Variants in COL22A1 observed in about 807,000 individuals in gnomAD.
The protein encoded by COL22A1 is collagen type XXII alpha 1 chain.
In COL22A1, 221 loss-of-function variants were observed where a neutral mutation model predicts 248.9. The ratio of observed to expected loss-of-function variants is 0.89; its 90% CI spans 0.80 to 0.99. The LOEUF (loss-of-function observed/expected upper bound fraction) is 0.99, where lower values mean the gene tolerates loss of function less well. Among genes scored for constraint, COL22A1 ranks in the 50% least tolerant of loss-of-function variants. The pLI, the probability that COL22A1 is intolerant of heterozygous loss-of-function variation, is 0.00. For synonymous variants in COL22A1, 891 were observed against 793.4 expected (o/e 1.12, Z -2.07); for missense variants, 2,240 against 2,179.0 (o/e 1.03, Z -0.56).
chr8:138,677,347 A>T (rs1825639675), intron 40 of COL22A1, among the ~76,000 whole-genome samples: 1 of 152,242 alleles, frequency 6.6e-6, no homozygotes, highest in African/African-American at 2.4e-5. Context: ...AGTGCTTGGC[A>T]CAGAGCCCAG....
intron 10 of COL22A1, among the ~76,000 whole-genome samples, chr8:138,804,751 GGTGT>G (rs1461879494): frequency 1.3e-5 from 2 of 150,366 alleles, no homozygotes; most frequent in South Asian, 4.2e-4. Context: ...TGTGATGAGG[GGTGT>G]GTGTGTGATG....
chr8:138,871,973 C>T (rs1463986720), intron 3 of COL22A1, among the ~76,000 whole-genome samples: 1 of 152,190 alleles, frequency 6.6e-6, no homozygotes, highest in Admixed American at 6.5e-5. Context: ...GACTAATCTC[C>T]CTGATCATGG....
chr8:138,715,447 T>C (rs1170623997), intron 30 of COL22A1, among the ~76,000 whole-genome samples: 1 of 151,588 alleles, frequency 6.6e-6, no homozygotes, highest in East Asian at 1.9e-4. Flanking sequence ...GGCATGCCTG[T>C]AATCCCAGCT....
chr8:138,790,907 C>T (rs982205817), intron 12 of COL22A1, among the ~76,000 whole-genome samples: 1 of 152,178 alleles, frequency 6.6e-6, no homozygotes, highest in Non-Finnish European at 1.5e-5. Flanking sequence ...CCAAAGCTCG[C>T]ACCCCCATTT....
At chr8:138,853,975 G>C (rs1000736342) in intron 3 of COL22A1, among the ~76,000 whole-genome samples, 7 of 152,238 alleles carry the variant, frequency 4.6e-5, no homozygotes, top group African/African-American at 1.7e-4. Flanking sequence ...GTGTGGGGTA[G>C]AATGATCCAT....
intron 9 of COL22A1, 114 bp downstream of exon 9, chr8:138,811,685 A>G: frequency 8.1e-7 from 1 of 1,240,274 alleles, no homozygotes; most frequent in East Asian, 2.3e-5. Flanking sequence ...CTGTCAGCTG[A>G]CAGCCATGGG....
Position 138,811,863 on chromosome 8 carries a change from G to A in COL22A1, c.1385C>T (p.Thr462Ile). The A allele has an allele frequency of 6.2e-7, 1 of 1,604,308 alleles. No individual in the cohort carries two copies. Among genetic ancestry groups the A allele is most frequent in the South Asian group, 1.1e-5 (1 of 90,060 alleles). Residue 462 changes from threonine to isoleucine, a missense_variant, in exon 9 of 65, where the codon ACC (threonine) becomes ATC (isoleucine). Physicochemically the swap from Thr to Ile is moderately conservative, Grantham distance 89. Transcript: ENST00000303045. The part of the protein sequence containing the change: ...PPPPPPQRPP[T>I]PGSEQIGFLK... Reference sequence around the variant, plus strand: ...AAACCCAATCTGTTCACTGCCTGGGGTGGGAGGCCGCTGGGGTGGGGGTGG... The same window carrying A: ...AAACCCAATCTGTTCACTGCCTGGGATGGGAGGCCGCTGGGGTGGGGGTGG...
intron 46 of COL22A1, among the ~76,000 whole-genome samples, chr8:138,647,412 A>G (rs546733547): frequency 5.3e-5 from 8 of 152,356 alleles, no homozygotes; most frequent in South Asian, 4.1e-4. Context: ...TAAGTTTTGG[A>G]GCAATCTGTA....
rs754865545 is a variant in COL22A1 at position 138,780,913 on chromosome 8, G to A, written c.1650+14C>T. On this transcript the variant is annotated intron_variant, in intron 13 of 64. Transcript: ENST00000303045. ...TACTGCCTTGTGAGCCAGGGCAGAC[G>A]GAACAGAACTTACTCTCATGCCTTT... is the stretch of plus-strand genomic sequence containing the variant. The A allele has an allele frequency of 3.4e-5, 55 of 1,611,402 alleles. No individual in the cohort carries two copies. The East Asian group carries it at 4.7e-4, about 14-fold the overall frequency.
rs1586659059 is a variant in COL22A1 at position 138,755,104 on chromosome 8, A to G, written c.2031+53T>C. 20 of 1,564,992 alleles carry G rather than the reference A, an allele frequency of 1.3e-5. 1 individual carries two copies. In the South Asian group the frequency reaches 2.0e-4, roughly 16 times the overall value. On this transcript the variant is annotated intron_variant, in intron 21 of 64. Transcript: ENST00000303045. ...GGAATGACTCTGATCTTCCAAACCCATTGGTAAGAGAAGCGTGCAGAGCAA... is the reference window on the plus strand; with the variant it reads ...GGAATGACTCTGATCTTCCAAACCCGTTGGTAAGAGAAGCGTGCAGAGCAA...
intron 3 of COL22A1, 82 bp downstream of exon 3, chr8:138,877,668 T>C: frequency 3.6e-6 from 5 of 1,376,152 alleles, no homozygotes; most frequent in Non-Finnish European, 4.9e-6. Context: ...GTAGGATCCC[T>C]ATCTGCCCGA....
chr8:138,678,037 A>G (rs1825696738), intron 40 of COL22A1, among the ~76,000 whole-genome samples: 1 of 152,260 alleles, frequency 6.6e-6, no homozygotes, highest in African/African-American at 2.4e-5. Context: ...TGTGCATTAC[A>G]AAATATCTCA....
At position 138,588,603 on chromosome 8, in the gene COL22A1, C is replaced by A. The variant is rs1485870347; in HGVS notation, c.*650G>T. ...ACAGACATTATTTCACTTCTGTGAGCTTAGAGCACTGAGGTGGCTGGAGTG... is the reference window on the plus strand; with the variant it reads ...ACAGACATTATTTCACTTCTGTGAGATTAGAGCACTGAGGTGGCTGGAGTG... On this transcript the variant is annotated 3_prime_UTR_variant, in exon 65 of 65. Coordinates refer to ENST00000303045, the MANE Select transcript of COL22A1 (RefSeq NM_152888.3). 6.6e-6 allele frequency: 1 copy of A among 152,222 alleles called. No homozygotes were observed. The highest frequency in any genetic ancestry group is 6.5e-5 in the Admixed American group (1 of 15,284). 9.4% of individuals were successfully genotyped at this position (152,222 alleles called of 1,614,324 possible). A position where few individuals can be genotyped will look rare whatever the true frequency, so the allele number is the denominator to read the frequency against.
intron 44 of COL22A1, among the ~76,000 whole-genome samples, chr8:138,659,386 C>T (rs1823588563): frequency 6.6e-6 from 1 of 152,178 alleles, no homozygotes; most frequent in African/African-American, 2.4e-5. Context: ...GAATTTGTAG[C>T]AGGTCAGGCT....
At chr8:138,864,858 T>C (rs538230002) in intron 3 of COL22A1, among the ~76,000 whole-genome samples, 45 of 152,260 alleles carry the variant, frequency 3.0e-4, no homozygotes, top group African/African-American at 1.1e-3. Context: ...ATTCCCCAGA[T>C]TTGGGGGTCC....
At chr8:138,726,498 C>CAAAAAAAAAAAAAAAAA (rs371982028) in intron 23 of COL22A1, among the ~76,000 whole-genome samples, 42 of 95,558 alleles carry the variant, frequency 4.4e-4, no homozygotes, top group Middle Eastern at 5.8e-3. Flanking sequence ...CCTGTATCTA[C>CAAAAAAAAAAAAAAAAA]AAAAAAAAAA....
chr8:138,678,110 G>C (rs1825703635), intron 40 of COL22A1, among the ~76,000 whole-genome samples: 1 of 152,146 alleles, frequency 6.6e-6, no homozygotes, highest in African/African-American at 2.4e-5. Flanking sequence ...GAGTACATAA[G>C]CTATGTATTC....
intron 16 of COL22A1, among the ~76,000 whole-genome samples, chr8:138,764,122 T>C (rs1405476025): frequency 6.6e-6 from 1 of 152,236 alleles, no homozygotes; most frequent in African/African-American, 2.4e-5. Context: ...ATGTTGTTTT[T>C]CTTCCAGGGG....
At chr8:138,848,563 G>C (rs1821413947) in intron 3 of COL22A1, among the ~76,000 whole-genome samples, 1 of 152,126 alleles carries the variant, frequency 6.6e-6, no homozygotes, top group South Asian at 2.1e-4. Context: ...ACGCAACCAT[G>C]GTTCTGTCTG....
Sources: allele counts gnomAD v4.1 joint callset (sites outside exome capture counted in the v4.1 genomes callset), GRCh38; gene constraint gnomAD v4.1.1; transcripts MANE v1.5; gene names NCBI Gene and HGNC (gene_info 2026-07-23, HGNC 2026-07-21).